Variants in PITPNB observed in about 807,000 individuals in gnomAD.
The protein encoded by PITPNB is phosphatidylinositol transfer protein beta isoform.
PITPNB carries 16 observed loss-of-function variants against 45.9 expected under a neutral mutation model. The ratio of observed to expected loss-of-function variants is 0.35; its 90% CI spans 0.24 to 0.53. The LOEUF (loss-of-function observed/expected upper bound fraction) is 0.53, where lower values mean the gene tolerates loss of function less well. Among genes scored for constraint, PITPNB ranks in the 20% least tolerant of loss-of-function variants. The pLI is 0.93. For missense variants in PITPNB, 188 were observed against 330.5 expected (o/e 0.57, Z 3.34); for synonymous variants, 112 against 108.9 (o/e 1.03, Z -0.18).
intron 9 of PITPNB, among the ~76,000 whole-genome samples, chr22:27,858,859 G>C (rs1934241900): frequency 6.6e-6 from 1 of 152,054 alleles, no homozygotes; most frequent in South Asian, 2.1e-4. Flanking sequence ...AGGTCAACTA[G>C]ATTTCTTCTG....
At chr22:27,868,227 C>T (rs1235498055) in intron 8 of PITPNB, among the ~76,000 whole-genome samples, 1 of 152,106 alleles carries the variant, frequency 6.6e-6, no homozygotes, top group Non-Finnish European at 1.5e-5. Flanking sequence ...TCTACTAGGG[C>T]GGCTAACAAG....
intron 6 of PITPNB, among the ~76,000 whole-genome samples, chr22:27,895,970 C>T (rs562710032): frequency 5.3e-5 from 8 of 152,330 alleles, no homozygotes; most frequent in East Asian, 3.9e-4. Flanking sequence ...CCAAGTTCCA[C>T]GACAAACCTT....
At chr22:27,899,612 C>T (rs1347909005) in intron 3 of PITPNB, among the ~76,000 whole-genome samples, 1 of 152,164 alleles carries the variant, frequency 6.6e-6, no homozygotes, top group Non-Finnish European at 1.5e-5. Flanking sequence ...CGTGAGCCAC[C>T]GCGCCCGGCC....
At chr22:27,874,907 A>G (rs181518153) in intron 7 of PITPNB, among the ~76,000 whole-genome samples, 2 of 152,318 alleles carry the variant, frequency 1.3e-5, no homozygotes, top group East Asian at 3.9e-4. Flanking sequence ...ACTAAAAATC[A>G]CTGTTCTAGA....
chr22:27,910,678 A>T (rs1160450708), intron 3 of PITPNB: 1 of 272,154 alleles, frequency 3.7e-6, no homozygotes, highest in Non-Finnish European at 7.0e-6. Flanking sequence ...ACAGAAAATG[A>T]TCTAGAAAGA....
At chr22:27,855,611 C>G (rs1052448946) in intron 10 of PITPNB, among the ~76,000 whole-genome samples, 5 of 152,136 alleles carry the variant, frequency 3.3e-5, no homozygotes, top group Admixed American at 6.5e-5. Context: ...ACATCCTCAC[C>G]CCCACCCCGG....
intron 7 of PITPNB, among the ~76,000 whole-genome samples, chr22:27,893,371 G>T (rs770971117): frequency 6.7e-6 from 1 of 148,168 alleles, no homozygotes; most frequent in East Asian, 2.0e-4. Flanking sequence ...TGCAAGCTCC[G>T]CCTCCCGGGC....
chr22:27,862,885 A>G (rs1211335781), intron 8 of PITPNB, among the ~76,000 whole-genome samples: 1 of 152,206 alleles, frequency 6.6e-6, no homozygotes, highest in African/African-American at 2.4e-5. Flanking sequence ...AAATATTTAC[A>G]TACTACTCCC....
In PITPNB at chr22:27,909,123, C is replaced by T. The variant is rs183513042; in HGVS notation, c.197+1841G>A. 1.7e-4 allele frequency among the ~76,000 whole-genome samples: 26 copies of T among 151,474 alleles called. 1 individual carries two copies. The highest frequency in any genetic ancestry group is 1.6e-3 in the Admixed American group (25 of 15,200). ...AGAATAGAGGCAAAAGATCCCCCAC[C>T]TGTAATTAACTAGGGAGACAATGAC... is the stretch of plus-strand genomic sequence containing the variant. On this transcript the variant is annotated intron_variant, in intron 3 of 11. Transcript: ENST00000335272.
At chr22:27,859,459 G>A (rs867973536) in intron 9 of PITPNB, among the ~76,000 whole-genome samples, 10 of 152,090 alleles carry the variant, frequency 6.6e-5, no homozygotes, top group Admixed American at 5.9e-4. Context: ...ATAAATATTC[G>A]CCCTACAGGA....
At chr22:27,860,356 G>C (rs1320219064) in intron 8 of PITPNB, 115 bp from the exon 9 acceptor site, 4 of 628,798 alleles carry the variant, frequency 6.4e-6, no homozygotes, top group Admixed American at 2.9e-5. Flanking sequence ...ACAATCTCAT[G>C]TGTTTAATTC....
intron 3 of PITPNB, among the ~76,000 whole-genome samples, chr22:27,904,248 A>G (rs963114147): frequency 6.6e-6 from 1 of 152,262 alleles, no homozygotes; most frequent in Non-Finnish European, 1.5e-5. Flanking sequence ...TCAACAACTG[A>G]TGAATGGATA....
rs578167927 is a variant in PITPNB at position 27,867,254 on chromosome 22, G to A, written c.534+6484C>T. 6.9e-4 allele frequency among the ~76,000 whole-genome samples: 105 copies of A among 152,150 alleles called. 1 individual carries two copies. In the South Asian group the frequency reaches 0.021, roughly 30 times the overall value. On this transcript the variant is annotated intron_variant, in intron 8 of 11. Transcript: ENST00000335272. ...GTGTGAACAACAGGAGATGGAGGAG[G>A]TGGGGGGAAGGAAGACAGGGGGAAT... is the stretch of plus-strand genomic sequence containing the variant.
chr22:27,898,630 T>C (rs148676486), intron 3 of PITPNB, among the ~76,000 whole-genome samples: 61 of 152,226 alleles, frequency 4.0e-4, no homozygotes, highest in African/African-American at 1.3e-3. Context: ...ATACATTTTA[T>C]AGAACAGACC....
intron 3 of PITPNB, among the ~76,000 whole-genome samples, chr22:27,910,171 C>T (rs1360001193): frequency 3.3e-5 from 5 of 151,932 alleles, no homozygotes; most frequent in Admixed American, 6.6e-5. Flanking sequence ...AGGGTGGTCT[C>T]GATCTCTTGA....
chr22:27,865,237 C>T (rs985030465), intron 8 of PITPNB, among the ~76,000 whole-genome samples: 2 of 152,136 alleles, frequency 1.3e-5, no homozygotes, highest in African/African-American at 2.4e-5. Flanking sequence ...AGAGTATTTT[C>T]GGACAAAGAC....
intron 3 of PITPNB, among the ~76,000 whole-genome samples, chr22:27,901,510 T>C (rs1443590452): frequency 6.6e-6 from 1 of 152,122 alleles, no homozygotes; most frequent in Non-Finnish European, 1.5e-5. Context: ...CATTTTACAA[T>C]CAACTGAAAT....
chr22:27,914,508 T>C (rs1601433719), intron 1 of PITPNB, among the ~76,000 whole-genome samples, 161 bp from the exon 2 acceptor site: 1 of 152,312 alleles, frequency 6.6e-6, no homozygotes, highest in South Asian at 2.1e-4. Context: ...TTGCAATGCC[T>C]ACACCATAAT....
At chr22:27,904,283 A>G (rs1434223824) in intron 3 of PITPNB, among the ~76,000 whole-genome samples, 1 of 152,270 alleles carries the variant, frequency 6.6e-6, no homozygotes, top group African/African-American at 2.4e-5. Context: ...GGCCTATACA[A>G]TGGAATATTA....
Sources: gnomAD v4.1 joint callset for allele counts (sites outside exome capture counted in the v4.1 genomes callset) on GRCh38, gnomAD v4.1.1 for gene constraint, MANE v1.5 for transcripts, NCBI Gene and HGNC (gene_info 2026-07-23, HGNC 2026-07-21) for gene names.